The following BRINP3 variants were observed in gnomAD, a reference collection of about 807,000 sequenced individuals.
BRINP3 encodes BMP/retinoic acid inducible neural specific 3.
BRINP3 carries 19 observed loss-of-function variants against 71.0 expected under a neutral mutation model. The observed-to-expected ratio is 0.27, with a 90% CI of 0.19 to 0.39. The LOEUF is 0.39. BRINP3 is among the 10% of genes least tolerant of loss of function. The pLI, the probability that BRINP3 is intolerant of heterozygous loss-of-function variation, is 1.00. For missense variants in BRINP3, 959 were observed against 940.8 expected, an observed-to-expected ratio of 1.02 and a Z score of -0.25; for synonymous variants, 380 against 337.7, an observed-to-expected ratio of 1.13 and a Z score of -1.37.
chr1:190,431,531 A>G (rs559230555), intron 2 of BRINP3, among the ~76,000 whole-genome samples: 4 of 151,940 alleles, frequency 2.6e-5, no homozygotes, highest in Admixed American at 1.3e-4. Flanking sequence ...TAATTTTTGT[A>G]TTTTTAGTAG....
chr1:190,361,392 T>A (rs1461408117), intron 2 of BRINP3, among the ~76,000 whole-genome samples: 1 of 151,654 alleles, frequency 6.6e-6, no homozygotes, highest in Non-Finnish European at 1.5e-5. Flanking sequence ...CCAGTTTTTG[T>A]TTTTGTTTTT....
intron 2 of BRINP3, among the ~76,000 whole-genome samples, chr1:190,371,847 A>C (rs1310523905): frequency 5.9e-5 from 9 of 151,954 alleles, no homozygotes; most frequent in Non-Finnish European, 1.3e-4. Context: ...AGACATTCAG[A>C]GAGTCTCCGA....
intron 2 of BRINP3, among the ~76,000 whole-genome samples, chr1:190,381,802 A>T (rs1328683586): frequency 1.3e-5 from 2 of 152,138 alleles, no homozygotes; most frequent in African/African-American, 4.8e-5. Context: ...AGGCATATGG[A>T]TCAGTACTTA....
At chr1:190,283,353 C>A (rs1479318567) in intron 2 of BRINP3, among the ~76,000 whole-genome samples, 1 of 151,970 alleles carries the variant, frequency 6.6e-6, no homozygotes, top group Non-Finnish European at 1.5e-5. Flanking sequence ...GCATTTTAAA[C>A]AGACATGCTA....
At chr1:190,471,418 T>G (rs1236017771) in intron 1 of BRINP3, among the ~76,000 whole-genome samples, 1 of 151,060 alleles carries the variant, frequency 6.6e-6, no homozygotes, top group Non-Finnish European at 1.5e-5. Flanking sequence ...AGATTATTTG[T>G]TATTTTGCTT....
intron 2 of BRINP3, among the ~76,000 whole-genome samples, chr1:190,386,085 G>A (rs1387317853): frequency 7.5e-6 from 1 of 132,758 alleles, no homozygotes; most frequent in Non-Finnish European, 1.6e-5. Context: ...CTGTTGTGGG[G>A]TGGGGGAGGG....
chr1:190,167,578 C>T (rs530698709), intron 6 of BRINP3, among the ~76,000 whole-genome samples: 144 of 152,262 alleles, frequency 9.5e-4, no homozygotes, highest in African/African-American at 2.6e-3. Flanking sequence ...TCTTTCACCT[C>T]TTGCAGCTGT....
intron 2 of BRINP3, among the ~76,000 whole-genome samples, chr1:190,454,420 G>C (rs577259011): frequency 6.6e-6 from 1 of 152,246 alleles, no homozygotes; most frequent in Admixed American, 6.5e-5. Flanking sequence ...AGGCAGTGTA[G>C]CATGCTTAAA....
intron 3 of BRINP3, among the ~76,000 whole-genome samples, chr1:190,266,106 A>G (rs1661639138): frequency 6.6e-6 from 1 of 152,212 alleles, no homozygotes; most frequent in African/African-American, 2.4e-5. Flanking sequence ...CGACAAACAT[A>G]TTATCGGATA....
At position 190,098,764 on chromosome 1, in the gene BRINP3, T is replaced by C; in HGVS notation, c.1555A>G (p.Met519Val). Residue 519 changes from methionine to valine, a missense_variant, in exon 8 of 8, where the codon ATG becomes GTG. Coordinates refer to ENST00000367462, the MANE Select transcript of BRINP3 (RefSeq NM_199051.3). ...GGATCAAACCAGCTATTGAGGCGCATGTCATTGCTGATAAAAATGGCATGG... is the reference window on the plus strand; with the variant it reads ...GGATCAAACCAGCTATTGAGGCGCACGTCATTGCTGATAAAAATGGCATGG... ...EVHAIFISND[M>V]RLNSWFDPSW... 6.2e-7 allele frequency: 1 copy of C among 1,614,200 alleles called. No individual in the cohort carries two copies. Among genetic ancestry groups the C allele is most frequent in the South Asian group, 1.1e-5 (1 of 91,084 alleles).
intron 6 of BRINP3, among the ~76,000 whole-genome samples, chr1:190,212,442 C>A (rs1013912042): frequency 6.6e-6 from 1 of 152,084 alleles, no homozygotes; most frequent in East Asian, 1.9e-4. Context: ...AGATACATCT[C>A]ATTTTCCCGC....
intron 7 of BRINP3, among the ~76,000 whole-genome samples, chr1:190,145,508 A>G (rs1289626268): frequency 6.6e-6 from 1 of 152,182 alleles, no homozygotes; most frequent in Non-Finnish European, 1.5e-5. Flanking sequence ...TTAAGTAGGA[A>G]TGGGTTTCTT....
At chr1:190,112,890 A>G (rs976225975) in intron 7 of BRINP3, among the ~76,000 whole-genome samples, 3 of 152,178 alleles carry the variant, frequency 2.0e-5, no homozygotes, top group Non-Finnish European at 2.9e-5. Flanking sequence ...ACTTTCAATT[A>G]AGTATTCAAA....
chr1:190,253,282 A>G (rs531086213), intron 4 of BRINP3, among the ~76,000 whole-genome samples: 1 of 152,310 alleles, frequency 6.6e-6, no homozygotes, highest in Admixed American at 6.5e-5. Context: ...TTCTTTGGGT[A>G]TATACCCAGT....
intron 7 of BRINP3, among the ~76,000 whole-genome samples, chr1:190,159,845 G>A (rs1558020181): frequency 6.6e-6 from 1 of 151,696 alleles, no homozygotes; most frequent in Non-Finnish European, 1.5e-5. Context: ...ACAATCCAAT[G>A]TTTTCTTTTT....
chr1:190,337,068 A>G (rs771683647), intron 2 of BRINP3, among the ~76,000 whole-genome samples: 1 of 152,042 alleles, frequency 6.6e-6, no homozygotes, highest in Non-Finnish European at 1.5e-5. Flanking sequence ...AGAAAGATCC[A>G]AGTGAGAAAT....
intron 2 of BRINP3, among the ~76,000 whole-genome samples, chr1:190,366,457 C>T: frequency 6.6e-6 from 1 of 152,112 alleles, no homozygotes; most frequent in East Asian, 1.9e-4. Context: ...ATGGGAACTA[C>T]AATTCAAGAT....
At position 190,315,326 on chromosome 1, in the gene BRINP3, G is replaced by A. The variant is rs559068590; in HGVS notation, c.237-33576C>T. 1.1e-3 allele frequency among the ~76,000 whole-genome samples: 173 copies of A among 152,220 alleles called. 1 individual carries two copies. Among genetic ancestry groups the A allele is most frequent in the Non-Finnish European group, 1.8e-3 (121 of 68,002 alleles). On this transcript the variant is annotated intron_variant, in intron 2 of 7. Transcript: ENST00000367462. ...TAAAATAAGCAAGTGGCCTCTGGAA[G>A]CTGTGGTGTTCCCAAGGAGGAAATT...
intron 7 of BRINP3, among the ~76,000 whole-genome samples, chr1:190,157,199 A>G (rs542393133): frequency 6.6e-6 from 1 of 152,170 alleles, no homozygotes; most frequent in East Asian, 1.9e-4. Flanking sequence ...TACAAAAATC[A>G]GCCCTCCTTA....
Sources: allele counts gnomAD v4.1 joint callset (sites outside exome capture counted in the v4.1 genomes callset), GRCh38; gene constraint gnomAD v4.1.1; transcripts MANE v1.5; gene names NCBI Gene and HGNC (gene_info 2026-07-23, HGNC 2026-07-21).